Variants in MPP3 observed in about 807,000 individuals in gnomAD.
MPP3 encodes the protein MAGUK p55 subfamily member 3.
Under a neutral mutation model 80.7 loss-of-function variants are expected in MPP3, and 48 were observed. The ratio of observed to expected loss-of-function variants is 0.59; its 90% CI spans 0.47 to 0.76. MPP3 has a LOEUF of 0.76. MPP3 is among the 30% of genes least tolerant of loss of function. The pLI is 0.00. For missense variants in MPP3, 620 were observed against 763.0 expected (o/e 0.81, Z 2.21); for synonymous variants, 311 against 297.6 (o/e 1.04, Z -0.46).
chr17:43,809,739 CGTG>C (rs2044766265), intron 18 of MPP3, among the ~76,000 whole-genome samples: 1 of 151,978 alleles, frequency 6.6e-6, no homozygotes, highest in Admixed American at 6.6e-5. Context: ...ATTAGCCAGG[CGTG>C]GTGGCGGGCA....
rs370241316 is a variant in MPP3, at chr17:43,829,620, A to G, written c.441+34T>C. 4 of 1,608,888 alleles carry G rather than the reference A, an allele frequency of 2.5e-6. No individual in the cohort carries two copies. In the African/African-American group the frequency reaches 5.3e-5, roughly 21 times the overall value. ...GGGTGGGGGTGAGAGGCAGGGGAAG[A>G]GTGGGTTAGAGAGGGGCAGGCAGCA... is the stretch of plus-strand genomic sequence containing the variant. On this transcript the variant is annotated intron_variant, in intron 7 of 19. Transcript: ENST00000398389.
chr17:43,820,738 T>C (rs1019274058), intron 11 of MPP3, 124 bp downstream of exon 11: 1 of 827,538 alleles, frequency 1.2e-6, no homozygotes, highest in African/African-American at 1.7e-5. Context: ...CAACTGGTAC[T>C]TACCTTGGGG....
chr17:43,803,376 AT>A (rs1851310703), intron 19 of MPP3, among the ~76,000 whole-genome samples: 1 of 152,170 alleles, frequency 6.6e-6, no homozygotes, highest in Non-Finnish European at 1.5e-5. Context: ...AACGTGTGAC[AT>A]TTGCTTAGCA....
At chr17:43,812,509 C>T (rs780689164) in intron 16 of MPP3, among the ~76,000 whole-genome samples, 5 of 152,204 alleles carry the variant, frequency 3.3e-5, no homozygotes, top group Non-Finnish European at 4.4e-5. Context: ...CTAATCTCCC[C>T]GGTCCCCAAC....
Position 43,811,346 on chromosome 17 carries a change from A to G in MPP3, c.1256-141T>C. ...CTTCCACCTCATTGCATGTCCCTGT[A>G]TCAGGCACTGTGCCTTTCCAGGCAG... On this transcript the variant is annotated intron_variant, in intron 16 of 19. Transcript: ENST00000398389. The G allele has an allele frequency of 4.6e-6, 3 of 649,596 alleles. No homozygotes were observed. In the South Asian group the frequency reaches 5.4e-5, roughly 12 times the overall value. The allele number at this position is 649,596 out of a possible 1,614,324, so 40.2% of individuals were successfully genotyped here. A position where few individuals can be genotyped will look rare whatever the true frequency, so the allele number is the denominator to read the frequency against.
At chr17:43,807,714 G>A (rs1461177072) in intron 19 of MPP3, among the ~76,000 whole-genome samples, 1 of 152,152 alleles carries the variant, frequency 6.6e-6, no homozygotes, top group Non-Finnish European at 1.5e-5. Context: ...CCAACACTTT[G>A]GGAAGCTGAG....
intron 13 of MPP3, 56 bp downstream of exon 13, chr17:43,816,621 G>C (rs149616564): frequency 6.6e-7 from 1 of 1,520,392 alleles, no homozygotes; most frequent in Non-Finnish European, 8.9e-7. Flanking sequence ...TCAGGCCCCA[G>C]ACGTTCCACG....
intron 14 of MPP3, chr17:43,814,671 C>A (rs1859048): frequency 0.19 from 50,468 of 262,294 alleles, 5,359 homozygotes; most frequent in Middle Eastern, 0.23. Flanking sequence ...GAATCTACAA[C>A]TACTATGTGT....
chr17:43,818,341 A>AT (rs2045256490), intron 11 of MPP3, among the ~76,000 whole-genome samples: 1 of 152,150 alleles, frequency 6.6e-6, no homozygotes, highest in African/African-American at 2.4e-5. Flanking sequence ...GAAATAGCTC[A>AT]TCCAGCTCAA....
intron 14 of MPP3, 29 bp downstream of exon 14, chr17:43,816,009 G>A (rs897688676): frequency 1.2e-5 from 17 of 1,478,088 alleles, no homozygotes; most frequent in East Asian, 2.6e-5. Context: ...GGCAGGTCGT[G>A]CATGTGGGTG....
chr17:43,825,541 A>G (rs58080788), intron 9 of MPP3: 110,996 of 504,128 alleles, frequency 0.22, 14,735 homozygotes, highest in African/African-American at 0.44. Flanking sequence ...GCTGAGGAGA[A>G]GGTCTAAGAG....
chr17:43,815,858 T>C (rs781193034), intron 14 of MPP3, 180 bp downstream of exon 14: 41 of 693,660 alleles, frequency 5.9e-5, no homozygotes, highest in Non-Finnish European at 9.3e-5. Context: ...GGGGGCCCAA[T>C]GCCTGGGCAG....
intron 19 of MPP3, among the ~76,000 whole-genome samples, chr17:43,802,647 T>C (rs771877245): frequency 4.6e-5 from 7 of 152,244 alleles, no homozygotes; most frequent in Non-Finnish European, 7.3e-5. Context: ...AAGTGAGTAG[T>C]TGTCTGACAA....
At chr17:43,815,679 T>C (rs1402666611) in intron 14 of MPP3, 5 of 415,832 alleles carry the variant, frequency 1.2e-5, no homozygotes, top group Non-Finnish European at 2.2e-5. Flanking sequence ...CCAAAACAAG[T>C]GAAAAGGGGC....
At chr17:43,821,889 T>C (rs1380477343) in intron 10 of MPP3, among the ~76,000 whole-genome samples, 1 of 152,204 alleles carries the variant, frequency 6.6e-6, no homozygotes, top group Non-Finnish European at 1.5e-5. Context: ...AGTAAGAACT[T>C]TCTGGCATAT....
Position 43,831,307 on chromosome 17 carries a change from A to G in MPP3, c.159T>C (p.Leu53=). 1 of 1,613,974 alleles carries G rather than the reference A, an allele frequency of 6.2e-7. No individual in the cohort carries two copies. The change falls in exon 5 of 20, where the codon CTT becomes CTC. Residue 53 remains leucine (L), a synonymous_variant. Coordinates refer to ENST00000398389, the MANE Select transcript of MPP3 (RefSeq NM_001932.6). ...TTGGACTTTGCCTTTCATAATAGCG[A>G]AGCTTCTCATGAATCTGCAAAGACA... ...LSYLMKIHEK[L]RYYERQSPTP...
chr17:43,820,168 C>T (rs1761971391), intron 11 of MPP3, among the ~76,000 whole-genome samples: 3 of 152,122 alleles, frequency 2.0e-5, no homozygotes, highest in Non-Finnish European at 4.4e-5. Flanking sequence ...TGGTCTTGAA[C>T]TCCTGGGCCC....
rs141959648 is a variant in MPP3, at chr17:43,820,936, C to A, written c.807G>T (p.Thr269=). 1 of 1,613,950 alleles carries A rather than the reference C, an allele frequency of 6.2e-7. No individual in the cohort carries two copies. Among genetic ancestry groups the A allele is most frequent in the Non-Finnish European group, 8.5e-7 (1 of 1,180,018 alleles). Residue 269 remains threonine, a synonymous_variant, in exon 11 of 20, where the codon ACG becomes ACT. Coordinates refer to ENST00000398389, the MANE Select transcript of MPP3 (RefSeq NM_001932.6). ...VLEVVSQDDP[T]WWQAKRVGDT... is the part of the protein sequence containing the mutation. ...CCCCGACTCGCTTGGCCTGCCACCA[C>A]GTGGGGTCGTCCTGGCTCACCACCT...
intron 10 of MPP3, among the ~76,000 whole-genome samples, chr17:43,823,515 C>A (rs967684570): frequency 9.9e-5 from 15 of 152,194 alleles, no homozygotes; most frequent in African/African-American, 3.4e-4. Context: ...GGAAGCCTTG[C>A]AGCTACCAAG....
Sources: allele counts gnomAD v4.1 joint callset (sites outside exome capture counted in the v4.1 genomes callset), GRCh38; gene constraint gnomAD v4.1.1; transcripts MANE v1.5; gene names NCBI Gene and HGNC (gene_info 2026-07-23, HGNC 2026-07-21).